TCERG1L: variants seen among roughly 807,000 people sequenced by gnomAD.
The protein encoded by TCERG1L is transcription elongation regulator 1-like protein.
In TCERG1L, 37 loss-of-function variants were observed where a neutral mutation model predicts 56.3. That is an observed-to-expected ratio of 0.66 (90% CI 0.51 to 0.87). TCERG1L has a LOEUF of 0.87. TCERG1L is among the 40% of genes least tolerant of loss of function. The pLI is 0.00. For synonymous variants in TCERG1L, 324 were observed against 326.3 expected (o/e 0.99, Z 0.08); for missense variants, 799 against 774.2 (o/e 1.03, Z -0.38).
intron 7 of TCERG1L, among the ~76,000 whole-genome samples, chr10:131,135,540 C>A (rs1424978585): frequency 1.3e-5 from 2 of 152,222 alleles, no homozygotes; most frequent in Non-Finnish European, 2.9e-5. Flanking sequence ...CAGTTCAAAT[C>A]TATTTACAGG....
chr10:131,146,504 ACTTGCTGGTGCCTCCAG>A lies in TCERG1L; in HGVS notation c.1174_1189+1del. On this transcript the variant is annotated splice_donor_variant and coding_sequence_variant, in exon 7 of 12. Coordinates refer to ENST00000368642, the MANE Select transcript of TCERG1L (RefSeq NM_174937.4). LOFTEE classifies it high-confidence loss of function. ...GGTGTAAATAACCCAGGGCTTAGTT[ACTTGCTGGTGCCTCCAG>A]CTTGCGTTTGTGGGGCGGGTCCTCA... 6.2e-7 allele frequency: 1 copy of A among 1,607,222 alleles called. No homozygotes were observed. The highest frequency in any genetic ancestry group is 8.5e-7 in the Non-Finnish European group (1 of 1,175,478).
At chr10:131,150,977 C>A (rs1845858143) in intron 6 of TCERG1L, among the ~76,000 whole-genome samples, 1 of 152,176 alleles carries the variant, frequency 6.6e-6, no homozygotes, top group Non-Finnish European at 1.5e-5. Context: ...ACCATCAGAT[C>A]TCATGAGAAC....
intron 4 of TCERG1L, among the ~76,000 whole-genome samples, chr10:131,242,706 T>G (rs756909632): frequency 9.9e-5 from 15 of 152,178 alleles, no homozygotes; most frequent in Non-Finnish European, 1.6e-4. Context: ...TCCAAAATAC[T>G]CCAAAGTCTG....
At chr10:131,129,322 A>T (rs192050456) in intron 8 of TCERG1L, among the ~76,000 whole-genome samples, 2 of 152,380 alleles carry the variant, frequency 1.3e-5, no homozygotes, top group East Asian at 3.9e-4. Flanking sequence ...CTTATATTTT[A>T]AAATTCCTTA....
chr10:131,256,251 C>G (rs1846163615), intron 4 of TCERG1L, among the ~76,000 whole-genome samples: 1 of 152,172 alleles, frequency 6.6e-6, no homozygotes, highest in Non-Finnish European at 1.5e-5. Context: ...GCAGATTTTG[C>G]TAATGAGGAA....
intron 4 of TCERG1L, among the ~76,000 whole-genome samples, chr10:131,214,449 G>C (rs1845648222): frequency 6.6e-6 from 1 of 152,188 alleles, no homozygotes; most frequent in African/African-American, 2.4e-5. Flanking sequence ...CCACCCCAGA[G>C]TTTGGAACCC....
intron 4 of TCERG1L, among the ~76,000 whole-genome samples, chr10:131,192,974 A>G (rs2944467): frequency 0.93 from 141,059 of 152,004 alleles, 66,410 homozygotes; most frequent in East Asian, 1. Context: ...ATTCATCCAT[A>G]TAACAAAAGC....
chr10:131,272,934 G>C (rs569633702), intron 3 of TCERG1L, among the ~76,000 whole-genome samples: 144 of 152,310 alleles, frequency 9.5e-4, no homozygotes, highest in African/African-American at 3.3e-3. Context: ...GTGCCCAGCC[G>C]GGAGCTCTGT....
intron 4 of TCERG1L, among the ~76,000 whole-genome samples, chr10:131,224,758 C>G (rs1280247693): frequency 6.6e-6 from 1 of 152,052 alleles, no homozygotes; most frequent in Non-Finnish European, 1.5e-5. Context: ...CAAACCCCAC[C>G]CCCTACTCTC....
At chr10:131,109,144 C>T (rs1845385147) in intron 9 of TCERG1L, among the ~76,000 whole-genome samples, 1 of 152,194 alleles carries the variant, frequency 6.6e-6, no homozygotes, top group African/African-American at 2.4e-5. Context: ...CACGCTGTTC[C>T]TCTCTCAGCA....
At chr10:131,249,125 A>T (rs1846076424) in intron 4 of TCERG1L, among the ~76,000 whole-genome samples, 2 of 152,228 alleles carry the variant, frequency 1.3e-5, no homozygotes, top group Non-Finnish European at 2.9e-5. Flanking sequence ...ACTCAGCAAA[A>T]GTGGGGCGGC....
chr10:131,291,037 A>G (rs568471906), intron 3 of TCERG1L, among the ~76,000 whole-genome samples: 14 of 152,324 alleles, frequency 9.2e-5, no homozygotes, highest in Non-Finnish European at 1.9e-4. Flanking sequence ...ATGTGTTCTG[A>G]TATCTGTGCT....
At chr10:131,261,306 G>T (rs1361249723) in intron 3 of TCERG1L, among the ~76,000 whole-genome samples, 1 of 152,226 alleles carries the variant, frequency 6.6e-6, no homozygotes, top group Non-Finnish European at 1.5e-5. Context: ...TGGAAACTTA[G>T]TCTGGCCAGC....
At chr10:131,183,726 C>T (rs904548492) in intron 4 of TCERG1L, among the ~76,000 whole-genome samples, 1 of 152,238 alleles carries the variant, frequency 6.6e-6, no homozygotes, top group African/African-American at 2.4e-5. Flanking sequence ...CCCAGGCTCT[C>T]TGGACACTGT....
chr10:131,227,751 C>T (rs980610211), intron 4 of TCERG1L, among the ~76,000 whole-genome samples: 2 of 145,186 alleles, frequency 1.4e-5, no homozygotes, highest in Non-Finnish European at 3.0e-5. Context: ...GTCTTGATTA[C>T]AAAACTGATC....
At chr10:131,147,659 G>T (rs559262800) in intron 6 of TCERG1L, among the ~76,000 whole-genome samples, 1 of 152,362 alleles carries the variant, frequency 6.6e-6, no homozygotes, top group Admixed American at 6.5e-5. Context: ...ACTTCAGAAG[G>T]TCCCTCTGGC....
intron 6 of TCERG1L, among the ~76,000 whole-genome samples, chr10:131,150,316 C>T (rs1187071525): frequency 1.5e-5 from 1 of 67,134 alleles, no homozygotes; most frequent in Admixed American, 1.6e-4. Flanking sequence ...TGTGGGGATA[C>T]TCAGCCAGGG....
Position 131,226,645 on chromosome 10 carries a change from G to A in TCERG1L, c.856+33614C>T, listed in dbSNP as rs996074803. ...CCGTCGGTGGAGCAGCTGGCGTGAGGGAGGGAAACACAGCCCCAAATCCAA... is the reference window on the plus strand; with the variant it reads ...CCGTCGGTGGAGCAGCTGGCGTGAGAGAGGGAAACACAGCCCCAAATCCAA... On this transcript the variant is annotated intron_variant, in intron 4 of 11. Coordinates refer to ENST00000368642, the MANE Select transcript of TCERG1L (RefSeq NM_174937.4). Among the ~76,000 whole-genome samples the A allele has an allele frequency of 2.6e-5, 4 of 152,306 alleles. No homozygotes were observed. In the East Asian group the frequency reaches 5.8e-4, roughly 22 times the overall value.
intron 11 of TCERG1L, 93 bp from the exon 12 acceptor site, chr10:131,093,411 G>A: frequency 6.7e-7 from 1 of 1,481,754 alleles, no homozygotes; most frequent in Non-Finnish European, 9.1e-7. Context: ...CAAGCATCCA[G>A]CCCTTCCACC....
Sources: allele counts gnomAD v4.1 joint callset (sites outside exome capture counted in the v4.1 genomes callset), GRCh38; gene constraint gnomAD v4.1.1; transcripts MANE v1.5; gene names NCBI Gene and HGNC (gene_info 2026-07-23, HGNC 2026-07-21).